The following TAOK3 variants were observed in gnomAD, a reference collection of about 807,000 sequenced individuals.
TAOK3 encodes the protein serine/threonine-protein kinase TAO3.
TAOK3 carries 40 observed loss-of-function variants against 120.4 expected under a neutral mutation model. That is an observed-to-expected ratio of 0.33 (90% CI 0.26 to 0.43). The LOEUF (loss-of-function observed/expected upper bound fraction) is 0.43, where lower values mean the gene tolerates loss of function less well. TAOK3 is among the 20% of genes least tolerant of loss of function. The pLI is 1.00. For synonymous variants in TAOK3, 355 were observed against 387.5 expected (o/e 0.92, Z 0.99); for missense variants, 821 against 1,112.1 (o/e 0.74, Z 3.72).
chr12:118,298,455 T>C (rs532658402), intron 1 of TAOK3, among the ~76,000 whole-genome samples: 8 of 152,272 alleles, frequency 5.3e-5, no homozygotes, highest in African/African-American at 1.9e-4. Context: ...ACAGTAAGTG[T>C]TATATTGTCA....
At chr12:118,246,725 C>T (rs3999644) in intron 3 of TAOK3, 1 of 1,589,712 alleles carries the variant, frequency 6.3e-7, no homozygotes, top group Non-Finnish European at 8.5e-7. Flanking sequence ...AGAAGCTGCT[C>T]ATGATGGCTG....
chr12:118,332,344 T>G (rs2044187254), intron 1 of TAOK3, among the ~76,000 whole-genome samples: 1 of 152,180 alleles, frequency 6.6e-6, no homozygotes. Context: ...AATATAAAGC[T>G]ATCTTTTCTC....
intron 14 of TAOK3, among the ~76,000 whole-genome samples, chr12:118,182,159 T>A (rs1021654700): frequency 6.6e-6 from 1 of 152,042 alleles, no homozygotes; most frequent in African/African-American, 2.4e-5. Flanking sequence ...CACTCCAGCC[T>A]GGGTGACAGA....
intron 1 of TAOK3, among the ~76,000 whole-genome samples, chr12:118,347,409 C>T (rs2044912144): frequency 6.6e-6 from 1 of 152,130 alleles, no homozygotes; most frequent in South Asian, 2.1e-4. Context: ...TCTCTCCCAA[C>T]TCCTCCTTTT....
At position 118,326,464 on chromosome 12, in the gene TAOK3, C is replaced by T. The variant is rs538228115; in HGVS notation, c.-194+46184G>A. On this transcript the variant is annotated intron_variant, in intron 1 of 20. Transcript: ENST00000392533. The stretch of plus-strand genomic sequence containing the variant: ...GTTTTCTTCTTTTTGTTCAGGATGA[C>T]TTTCGCTATTCTGGCTCTTTAGTGG... 1.1e-3 allele frequency among the ~76,000 whole-genome samples: 172 copies of T among 152,198 alleles called. 1 individual carries two copies. The highest frequency in any genetic ancestry group is 4.0e-3 in the African/African-American group (167 of 41,530).
chr12:118,246,728 G>T (rs1461941327), intron 3 of TAOK3: 6 of 1,588,510 alleles, frequency 3.8e-6, no homozygotes, highest in Non-Finnish European at 5.1e-6. Context: ...AGCTGCTCAT[G>T]ATGGCTGGTA....
intron 1 of TAOK3, among the ~76,000 whole-genome samples, chr12:118,348,702 A>G (rs1236816802): frequency 6.6e-6 from 1 of 152,082 alleles, no homozygotes; most frequent in East Asian, 1.9e-4. Flanking sequence ...CACCCGTCTC[A>G]GCCTCCCAAA....
At chr12:118,354,947 T>C (rs888906762) in intron 1 of TAOK3, among the ~76,000 whole-genome samples, 1 of 151,658 alleles carries the variant, frequency 6.6e-6, no homozygotes, top group Non-Finnish European at 1.5e-5. Flanking sequence ...TTTAATTAGC[T>C]ATCTGGGAGG....
At chr12:118,192,260 T>C (rs1054668944) in intron 13 of TAOK3, among the ~76,000 whole-genome samples, 2 of 152,238 alleles carry the variant, frequency 1.3e-5, no homozygotes, top group Non-Finnish European at 2.9e-5. Flanking sequence ...TTGATTTTAG[T>C]TGACACATAT....
At chr12:118,176,785 A>C (rs1296056013) in intron 16 of TAOK3, among the ~76,000 whole-genome samples, 2 of 150,270 alleles carry the variant, frequency 1.3e-5, no homozygotes, top group African/African-American at 2.5e-5. Context: ...TTTTTTTTTG[A>C]GACAGAGTTT....
intron 1 of TAOK3, among the ~76,000 whole-genome samples, chr12:118,343,382 G>C (rs1447621353): frequency 6.7e-6 from 1 of 148,700 alleles, no homozygotes; most frequent in Non-Finnish European, 1.5e-5. Flanking sequence ...AGCTCAGATT[G>C]TGCCATTGCA....
intron 9 of TAOK3, among the ~76,000 whole-genome samples, chr12:118,230,635 A>AT (rs1298234848): frequency 1.4e-4 from 21 of 151,118 alleles, no homozygotes; most frequent in African/African-American, 4.9e-4. Context: ...CACCTGGCTA[A>AT]TTTTTTTGTA....
rs1344125052 is a variant in TAOK3 at position 118,241,269 on chromosome 12, T to C, written c.295-1997A>G. On this transcript the variant is annotated intron_variant, in intron 5 of 20. Transcript: ENST00000392533. ...ATTCAGAAACATTAATCTTATTTCT[T>C]ATTATAAAATGGAAGATTCTACATG... 3.9e-5 allele frequency among the ~76,000 whole-genome samples: 6 copies of C among 152,074 alleles called. No individual in the cohort carries two copies. The South Asian group carries it at 8.3e-4, about 21-fold the overall frequency.
At chr12:118,264,134 G>A (rs1294273757) in intron 2 of TAOK3, among the ~76,000 whole-genome samples, 21 of 152,178 alleles carry the variant, frequency 1.4e-4, no homozygotes. Flanking sequence ...CACTGCTGGT[G>A]GGAATGTAAA....
intron 1 of TAOK3, among the ~76,000 whole-genome samples, chr12:118,314,901 A>G (rs1179687800): frequency 6.6e-6 from 1 of 152,014 alleles, no homozygotes; most frequent in East Asian, 1.9e-4. Flanking sequence ...TGGGCACATG[A>G]AGGAGTTTTT....
rs146726017 is a variant in TAOK3 at position 118,238,808 on chromosome 12, T to G, written c.340+419A>C. Among the ~76,000 whole-genome samples the G allele has an allele frequency of 1.3e-3, 197 of 152,082 alleles. 1 individual carries two copies. The highest frequency in any genetic ancestry group is 4.7e-3 in the African/African-American group (193 of 41,502). ...AGCCTCTGTGCCTGGCTCAAGATAT[T>G]TTTTTTAAAGTAAATTTTTAACACA... On this transcript the variant is annotated intron_variant, in intron 6 of 20. Coordinates refer to ENST00000392533, the MANE Select transcript of TAOK3 (RefSeq NM_016281.4).
chr12:118,246,649 G>A (rs2040523278), intron 3 of TAOK3: 1 of 1,565,976 alleles, frequency 6.4e-7, no homozygotes, highest in East Asian at 2.3e-5. Context: ...GGCCGCTGCG[G>A]CTCTGTGCTG....
At chr12:118,318,108 C>T (rs893953472) in intron 1 of TAOK3, among the ~76,000 whole-genome samples, 10 of 150,782 alleles carry the variant, frequency 6.6e-5, no homozygotes, top group African/African-American at 2.4e-4. Context: ...TATATACAAA[C>T]AATAACTCAG....
At chr12:118,235,049 A>G (rs535350817) in intron 8 of TAOK3, among the ~76,000 whole-genome samples, 1 of 152,328 alleles carries the variant, frequency 6.6e-6, no homozygotes, top group East Asian at 1.9e-4. Context: ...ATGAAATTCC[A>G]ACGTGTCTAG....
Sources: allele counts gnomAD v4.1 joint callset (sites outside exome capture counted in the v4.1 genomes callset), GRCh38; gene constraint gnomAD v4.1.1; transcripts MANE v1.5; gene names NCBI Gene and HGNC (gene_info 2026-07-23, HGNC 2026-07-21).